The following UBOX5 variants were observed in gnomAD, a reference collection of about 807,000 sequenced individuals.
The protein encoded by UBOX5 is RING finger protein 37.
UBOX5 carries 28 observed loss-of-function variants against 39.0 expected under a neutral mutation model. The ratio of observed to expected loss-of-function variants is 0.72; its 90% CI spans 0.53 to 0.98. UBOX5 has a LOEUF of 0.98. Ranked by LOEUF, UBOX5 falls within the 50% of genes least tolerant of loss-of-function variation. UBOX5 has a pLI of 0.00. For missense variants in UBOX5, 585 were observed against 674.4 expected (o/e 0.87, Z 1.47); for synonymous variants, 283 against 275.5 (o/e 1.03, Z -0.27).
intron 1 of UBOX5, among the ~76,000 whole-genome samples, chr20:3,132,426 C>T (rs540273671): frequency 6.6e-6 from 1 of 152,004 alleles, no homozygotes; most frequent in Non-Finnish European, 1.5e-5. Context: ...AAGAAATGTA[C>T]CGCACTAAGA....
chr20:3,142,121 TGCACTCCCAGTATGG>T lies in UBOX5; in HGVS notation c.-42+17630_-42+17644del, dbSNP rs369150843. ...CTGCGGTGAGCCATGATAGTGCCAC[TGCACTCCCAGTATGG>T]GCAACAGGGTGAGACAGTCTCAAAA... On this transcript the variant is annotated intron_variant, in intron 1 of 4. Transcript: ENST00000217173. Among the ~76,000 whole-genome samples, 707 of 147,450 alleles carry T rather than the reference TGCACTCCCAGTATGG, an allele frequency of 4.8e-3. 7 individuals are homozygous for T. The highest frequency in any genetic ancestry group is 0.017 in the African/African-American group (665 of 39,612).
intron 4 of UBOX5, among the ~76,000 whole-genome samples, chr20:3,112,241 G>A (rs111551685): frequency 0.063 from 9,504 of 152,042 alleles, 386 homozygotes; most frequent in Non-Finnish European, 0.093. Context: ...TGCAGGCTCT[G>A]CCAGAGGCTT....
Position 3,157,304 on chromosome 20 carries a change from C to T in UBOX5, c.-42+2462G>A, listed in dbSNP as rs138332534. On this transcript the variant is annotated intron_variant, in intron 1 of 4. Transcript: ENST00000217173. ...CTCAGAGAGGAGTCTACCAGTACTG[C>T]GAAGGTGAAGCACTAGTGCAAAGGT... Among the ~76,000 whole-genome samples, 925 of 152,246 alleles carry T rather than the reference C, an allele frequency of 6.1e-3. 16 individuals carry two copies. Among genetic ancestry groups the T allele is most frequent in the African/African-American group, 0.021 (867 of 41,534 alleles).
chr20:3,147,891 T>C, intron 1 of UBOX5: 1 of 1,614,242 alleles, frequency 6.2e-7, no homozygotes, highest in Non-Finnish European at 8.5e-7. Flanking sequence ...GTCAGGTGCA[T>C]GACACCTTGA....
chr20:3,119,351 C>A (rs2066317104), intron 3 of UBOX5, among the ~76,000 whole-genome samples: 1 of 152,202 alleles, frequency 6.6e-6, no homozygotes, highest in Admixed American at 6.5e-5. Context: ...AATGCTTCCC[C>A]AGTTGATCCT....
intron 2 of UBOX5, 35 bp downstream of exon 2, chr20:3,123,277 G>C: frequency 6.3e-7 from 1 of 1,581,814 alleles, no homozygotes; most frequent in Non-Finnish European, 8.7e-7. Context: ...GACAAACATA[G>C]CATATATTTA....
intron 3 of UBOX5, among the ~76,000 whole-genome samples, chr20:3,119,718 G>A (rs140771918): frequency 0.012 from 1,830 of 152,236 alleles, 17 homozygotes; most frequent in South Asian, 0.043. Flanking sequence ...AGCCGGTGTG[G>A]TGGTACATGC....
At chr20:3,127,910 GA>G (rs1366477491) in intron 1 of UBOX5, among the ~76,000 whole-genome samples, 3 of 152,162 alleles carry the variant, frequency 2.0e-5, no homozygotes, top group Admixed American at 6.6e-5. Context: ...TCATGGGGTA[GA>G]AAGCCCCTGG....
chr20:3,147,591 G>C (rs145181106), intron 1 of UBOX5: 147 of 1,614,074 alleles, frequency 9.1e-5, no homozygotes, highest in Non-Finnish European at 9.7e-5. Context: ...CCTGGACTGA[G>C]AGCGAAATCA....
chr20:3,154,055 C>T (rs2066660009), intron 1 of UBOX5, among the ~76,000 whole-genome samples: 1 of 152,180 alleles, frequency 6.6e-6, no homozygotes, highest in South Asian at 2.1e-4. Flanking sequence ...TCGCAGGATG[C>T]TCCAGGATCA....
chr20:3,147,062 CA>C, intron 1 of UBOX5: 2 of 1,614,204 alleles, frequency 1.2e-6, no homozygotes, highest in Non-Finnish European at 1.7e-6. Context: ...TGCTACATTG[CA>C]AAGGAAGCCC....
chr20:3,147,927 G>A (rs747401683), intron 1 of UBOX5: 1 of 1,614,186 alleles, frequency 6.2e-7, no homozygotes, highest in Non-Finnish European at 8.5e-7. Flanking sequence ...ATTCGCTGAG[G>A]AGCTATCTCT....
At position 3,149,247 on chromosome 20, in the gene UBOX5, A is replaced by C. The variant is rs2066600709; in HGVS notation, c.-42+10519T>G. The C allele has an allele frequency of 3.2e-6, 2 of 633,020 alleles. No homozygotes were observed. The highest frequency in any genetic ancestry group is 2.7e-6 in the Non-Finnish European group (1 of 371,360). 39.2% of individuals were successfully genotyped at this position (633,020 alleles called of 1,614,324 possible). A position where few individuals can be genotyped will look rare whatever the true frequency, so the allele number is the denominator to read the frequency against. ...AGGGATCACAAATGACTGGGTCAGA[A>C]TTGGTGCCAGATACTGAAAAAAGGG... On this transcript the variant is annotated intron_variant, in intron 1 of 4. Transcript: ENST00000217173. This position sits in a 1 kb window ranked among gnomAD's most constrained non-coding sequence, Gnocchi z 4.1.
intron 1 of UBOX5, among the ~76,000 whole-genome samples, chr20:3,137,357 T>C (rs2066480139): frequency 6.6e-6 from 1 of 152,220 alleles, no homozygotes; most frequent in Non-Finnish European, 1.5e-5. Context: ...TCAGGCTCAC[T>C]GCAACCTCCG....
At chr20:3,120,149 C>T (rs2066322732) in intron 3 of UBOX5, among the ~76,000 whole-genome samples, 1 of 152,036 alleles carries the variant, frequency 6.6e-6, no homozygotes, top group African/African-American at 2.4e-5. Flanking sequence ...CAGGTTGAGA[C>T]CATCCCGGGC....
chr20:3,109,658 T>G lies in UBOX5; in HGVS notation c.*448A>C. ...TAAGGCTGCGAGTCGGGGGGCTGAG[T>G]CATGCACTCCACAGACACCCCCACT... On this transcript the variant is annotated 3_prime_UTR_variant, in exon 5 of 5. Coordinates refer to ENST00000217173, the MANE Select transcript of UBOX5 (RefSeq NM_014948.4). 1 of 203,852 alleles carries G rather than the reference T, an allele frequency of 4.9e-6. No individual in the cohort carries two copies. The highest frequency in any genetic ancestry group is 1.0e-5 in the Non-Finnish European group (1 of 98,032). The allele number at this position is 203,852 out of a possible 1,614,324, so 12.6% of individuals were successfully genotyped here. A position where few individuals can be genotyped will look rare whatever the true frequency, so the allele number is the denominator to read the frequency against.
At chr20:3,133,717 T>C (rs2066446856) in intron 1 of UBOX5, among the ~76,000 whole-genome samples, 1 of 151,490 alleles carries the variant, frequency 6.6e-6, no homozygotes, top group Non-Finnish European at 1.5e-5. Context: ...CCTCTCTCTT[T>C]TTGCCAAGGG....
chr20:3,145,344 G>A (rs1255924466), intron 1 of UBOX5, among the ~76,000 whole-genome samples: 1 of 151,814 alleles, frequency 6.6e-6, no homozygotes, highest in Non-Finnish European at 1.5e-5. Flanking sequence ...GTAGAGATGG[G>A]GTTTTGCCAT....
chr20:3,118,172 CAAA>C (rs1214760426), intron 3 of UBOX5, among the ~76,000 whole-genome samples: 3 of 148,482 alleles, frequency 2.0e-5, no homozygotes, highest in South Asian at 2.2e-4. Context: ...AAAAACAAAA[CAAA>C]AAGAAACCAT....
Sources: gnomAD v4.1 joint callset for allele counts (sites outside exome capture counted in the v4.1 genomes callset) on GRCh38, gnomAD v4.1.1 for gene constraint, Gnocchi (gnomAD v3.1) non-coding constraint, MANE v1.5 for transcripts, NCBI Gene and HGNC (gene_info 2026-07-23, HGNC 2026-07-21) for gene names.